The following ALG9 variants were observed in gnomAD, a reference collection of about 807,000 sequenced individuals.
ALG9 encodes ALG9 alpha-1,2-mannosyltransferase.
Under a neutral mutation model 81.8 loss-of-function variants are expected in ALG9, and 55 were observed. The observed-to-expected ratio is 0.67, with a 90% CI of 0.54 to 0.84. The LOEUF (loss-of-function observed/expected upper bound fraction) is 0.84, where lower values mean the gene tolerates loss of function less well. ALG9 is among the 40% of genes least tolerant of loss of function. The pLI is 0.00. For synonymous variants in ALG9, 278 were observed against 274.3 expected (o/e 1.01, Z -0.13); for missense variants, 629 against 745.0 (o/e 0.84, Z 1.81).
At chr11:111,822,625 A>T (rs1555105111) in intron 13 of ALG9, among the ~76,000 whole-genome samples, 1 of 152,002 alleles carries the variant, frequency 6.6e-6, no homozygotes, top group Non-Finnish European at 1.5e-5. Flanking sequence ...AGGTGGGAGA[A>T]TCACCTGAGT....
intron 9 of ALG9, among the ~76,000 whole-genome samples, chr11:111,843,879 G>A (rs1956575460): frequency 6.6e-6 from 1 of 152,192 alleles, no homozygotes; most frequent in Non-Finnish European, 1.5e-5. Flanking sequence ...CAAATTTGGG[G>A]AAATCCCTGT....
rs782298169 is a variant in ALG9, at chr11:111,785,090, G to A, written c.*1307C>T. 8 of 152,658 alleles carry A rather than the reference G, an allele frequency of 5.2e-5. No homozygotes were observed. The highest frequency in any genetic ancestry group is 1.2e-4 in the Non-Finnish European group (8 of 68,046). The allele number at this position is 152,658 out of a possible 1,614,324, so 9.5% of individuals were successfully genotyped here. A position where few individuals can be genotyped will look rare whatever the true frequency, so the allele number is the denominator to read the frequency against. ...TTTCAAGTAATGTTTTCATGGTTGA[G>A]TGAGGAATATGGAGGAGCAATAGAT... On this transcript the variant is annotated 3_prime_UTR_variant, in exon 15 of 15. Transcript: ENST00000616540.
intron 14 of ALG9, among the ~76,000 whole-genome samples, chr11:111,808,578 C>A (rs782397108): frequency 4.6e-5 from 7 of 152,210 alleles, no homozygotes; most frequent in Non-Finnish European, 8.8e-5. Context: ...GTATCCTGAT[C>A]AATATTCTGT....
chr11:111,842,144 G>A (rs912784848), intron 9 of ALG9, among the ~76,000 whole-genome samples: 6 of 152,120 alleles, frequency 3.9e-5, no homozygotes, highest in Admixed American at 6.5e-5. Flanking sequence ...TGATCCACCC[G>A]CCTCGGCCTC....
At position 111,837,676 on chromosome 11, in the gene ALG9, T is replaced by A. The variant is rs535270632; in HGVS notation, c.1325-61A>T. The A allele has an allele frequency of 7.7e-6, 12 of 1,565,546 alleles. No individual in the cohort carries two copies. In the African/African-American group the frequency reaches 1.6e-4, roughly 21 times the overall value. On this transcript the variant is annotated intron_variant, in intron 11 of 14. Coordinates refer to ENST00000616540, the MANE Select transcript of ALG9 (RefSeq NM_024740.2). ...AGTAAGATGAGATTCTCACTTTAAT[T>A]ATACTGCTCATTAATGTCGCACTGT... is the stretch of plus-strand genomic sequence containing the variant.
chr11:111,866,034 C>T (rs1214436735), intron 3 of ALG9, among the ~76,000 whole-genome samples: 1 of 152,176 alleles, frequency 6.6e-6, no homozygotes, highest in Non-Finnish European at 1.5e-5. Context: ...GTGGCTCACA[C>T]TTGTAATTCC....
intron 9 of ALG9, among the ~76,000 whole-genome samples, chr11:111,842,308 G>A (rs1020775882): frequency 6.6e-6 from 1 of 151,946 alleles, no homozygotes; most frequent in Non-Finnish European, 1.5e-5. Flanking sequence ...TTTTAATAAG[G>A]CAAAAAATTT....
intron 13 of ALG9, 109 bp from the exon 14 acceptor site, chr11:111,809,882 T>TCCAA: frequency 1.6e-6 from 2 of 1,279,016 alleles, no homozygotes; most frequent in South Asian, 2.4e-5. Flanking sequence ...GGAACAAACA[T>TCCAA]CCAAGTCTTC....
At chr11:111,864,306 G>A (rs782300899) in intron 4 of ALG9, 27 of 1,035,372 alleles carry the variant, frequency 2.6e-5, no homozygotes, top group South Asian at 5.1e-5. Flanking sequence ...CAACAGCCCC[G>A]GCTGGAGGCC....
chr11:111,787,843 C>T (rs1555066633), intron 14 of ALG9, among the ~76,000 whole-genome samples: 1 of 151,768 alleles, frequency 6.6e-6, no homozygotes, highest in Admixed American at 6.6e-5. Flanking sequence ...CATTATTATC[C>T]CTATTTTATA....
At chr11:111,843,528 G>A (rs1324030574) in intron 9 of ALG9, among the ~76,000 whole-genome samples, 2 of 152,094 alleles carry the variant, frequency 1.3e-5, no homozygotes, top group Middle Eastern at 3.2e-3. Context: ...ATAATACAAC[G>A]AACTCATTAT....
At position 111,786,444 on chromosome 11, in the gene ALG9, G is replaced by A. The variant is rs781797359; in HGVS notation, c.1810C>T (p.Leu604Phe). ...ATTTGCTTTGCTTTCCGGGGTTTGA[G>A]GATGGTGTAGTTTACGTACACTGTA... ...QYTVYVNYTI[L>F]KPRKAKQIRK... The change falls in exon 15 of 15, where the codon CTC (leucine) becomes TTC (phenylalanine). Residue 604 changes from leucine to phenylalanine, a missense_variant. By Grantham distance (22) the Leu-to-Phe change is conservative. Coordinates refer to ENST00000616540, the MANE Select transcript of ALG9 (RefSeq NM_024740.2). 6.2e-7 allele frequency: 1 copy of A among 1,613,960 alleles called. No individual in the cohort carries two copies. Among genetic ancestry groups the A allele is most frequent in the African/African-American group, 1.3e-5 (1 of 74,886 alleles).
chr11:111,772,857 T>C, the ALG9 span, among the ~76,000 whole-genome samples: 2 of 152,096 alleles, frequency 1.3e-5, no homozygotes, highest in Non-Finnish European at 2.9e-5. Flanking sequence ...ATCGGTAAAA[T>C]AGAGCTTTTA....
chr11:111,846,283 GC>G (rs1464048006), intron 8 of ALG9, among the ~76,000 whole-genome samples: 1 of 152,128 alleles, frequency 6.6e-6, no homozygotes, highest in Non-Finnish European at 1.5e-5. Flanking sequence ...GGAAATCTGA[GC>G]TTGTGAAGAA....
chr11:111,851,585 TATC>T (rs1226398940), intron 8 of ALG9, among the ~76,000 whole-genome samples: 1 of 151,472 alleles, frequency 6.6e-6, no homozygotes, highest in Non-Finnish European at 1.5e-5. Context: ...AGAGTTAGAG[TATC>T]AGTAACCCAT....
At chr11:111,786,574 T>C (rs959463786) in intron 14 of ALG9, 54 bp from the exon 15 acceptor site, 7 of 1,569,502 alleles carry the variant, frequency 4.5e-6, no homozygotes, top group Non-Finnish European at 6.1e-6. Context: ...AATTTACTAA[T>C]GGTACTAAAT....
downstream of ALG9, among the ~76,000 whole-genome samples, chr11:111,781,030 A>T (rs2136151775): frequency 6.6e-6 from 1 of 152,260 alleles, no homozygotes; most frequent in African/African-American, 2.4e-5. Flanking sequence ...GAAAAAGGAG[A>T]CTCAGCCCTA....
intron 11 of ALG9, 135 bp downstream of exon 11, chr11:111,838,114 A>ATTAAG: frequency 1.0e-6 from 1 of 965,930 alleles, no homozygotes; most frequent in African/African-American, 1.7e-5. Flanking sequence ...ACTCATTAAT[A>ATTAAG]TTAAGTCTAC....
At position 111,786,430 on chromosome 11, in the gene ALG9, T is replaced by C. The variant is rs1946476728; in HGVS notation, c.1824A>G (p.Lys608=). 6.2e-7 allele frequency: 1 copy of C among 1,614,006 alleles called. No individual in the cohort carries two copies. The highest frequency in any genetic ancestry group is 8.5e-7 in the Non-Finnish European group (1 of 1,180,010). ...YVNYTILKPR[K]AKQIRKKSGG is the part of the protein sequence containing the mutation. ...CACTTTTCTTCCTGATTTGCTTTGCTTTCCGGGGTTTGAGGATGGTGTAGT... is the reference window on the plus strand; with the variant it reads ...CACTTTTCTTCCTGATTTGCTTTGCCTTCCGGGGTTTGAGGATGGTGTAGT... Residue 608 remains lysine, a synonymous_variant, in exon 15 of 15, where the codon AAA becomes AAG. Coordinates refer to ENST00000616540, the MANE Select transcript of ALG9 (RefSeq NM_024740.2).
Sources: gnomAD v4.1 joint callset for allele counts (sites outside exome capture counted in the v4.1 genomes callset) on GRCh38, gnomAD v4.1.1 for gene constraint, MANE v1.5 for transcripts, NCBI Gene and HGNC (gene_info 2026-07-23, HGNC 2026-07-21) for gene names.